Variants in ATP9B observed in about 807,000 individuals in gnomAD.
The protein encoded by ATP9B is ATPase phospholipid transporting 9B.
A neutral mutation model predicts 146.1 loss-of-function variants in ATP9B; 110 were observed. The ratio of observed to expected loss-of-function variants is 0.75; its 90% CI spans 0.65 to 0.88. The LOEUF is 0.88. Among genes scored for constraint, ATP9B ranks in the 40% least tolerant of loss-of-function variants. The pLI, the probability that ATP9B is intolerant of heterozygous loss-of-function variation, is 0.00. For synonymous variants in ATP9B, 604 were observed against 569.7 expected, an observed-to-expected ratio of 1.06 and a Z score of -0.86; for missense variants, 1,499 against 1,496.4, an observed-to-expected ratio of 1.00 and a Z score of -0.03.
chr18:79,078,841 G>T (rs1024134701), intron 1 of ATP9B, among the ~76,000 whole-genome samples: 1 of 152,036 alleles, frequency 6.6e-6, no homozygotes, highest in African/African-American at 2.4e-5. Flanking sequence ...GCCCCGGTGT[G>T]TGTTGTTCCC....
chr18:79,351,625 G>A (rs2096922858), intron 25 of ATP9B, among the ~76,000 whole-genome samples: 2 of 152,214 alleles, frequency 1.3e-5, no homozygotes. Flanking sequence ...GAGGACAGTT[G>A]ATAGAATTTA....
chr18:79,156,276 C>G (rs2094779977), intron 7 of ATP9B, among the ~76,000 whole-genome samples: 1 of 152,192 alleles, frequency 6.6e-6, no homozygotes, highest in Non-Finnish European at 1.5e-5. Context: ...CTCTTGGAAA[C>G]ACAGCTGGAC....
chr18:79,200,853 G>A (rs1042926939), intron 9 of ATP9B, among the ~76,000 whole-genome samples: 6 of 96,210 alleles, frequency 6.2e-5, no homozygotes, highest in East Asian at 3.2e-4. Flanking sequence ...ATGCTCAGTT[G>A]CCATTGAGGT....
chr18:79,103,209 G>T (rs1032397571), intron 2 of ATP9B, among the ~76,000 whole-genome samples: 4 of 151,742 alleles, frequency 2.6e-5, no homozygotes, highest in African/African-American at 9.7e-5. Flanking sequence ...GCATTAAGCA[G>T]ATATGGACTG....
At chr18:79,274,401 G>A (rs2096285129) in intron 12 of ATP9B, among the ~76,000 whole-genome samples, 1 of 152,102 alleles carries the variant, frequency 6.6e-6, no homozygotes, top group African/African-American at 2.4e-5. Flanking sequence ...CATATAAGCT[G>A]TCTACTCTGT....
chr18:79,218,726 T>C (rs1255502019), intron 11 of ATP9B, among the ~76,000 whole-genome samples: 1 of 152,208 alleles, frequency 6.6e-6, no homozygotes, highest in African/African-American at 2.4e-5. Flanking sequence ...CCATGACCAC[T>C]GGGATAAGAA....
At position 79,113,354 on chromosome 18, in the gene ATP9B, G is replaced by GATGACAT; in HGVS notation, c.558_558+1insATGACAT (p.Gly187MetfsTer16). The stretch of plus-strand genomic sequence containing the variant: ...ATCTCTACACCTACTGGGCTCCTCT[G>GATGACAT]GTAAGAAAAGACTTTAAAAATTAAG... On this transcript the variant is annotated frameshift_variant and splice_region_variant. Coordinates refer to ENST00000426216, the MANE Select transcript of ATP9B (RefSeq NM_198531.5). LOFTEE classifies it high-confidence loss of function. 1 of 1,478,290 alleles carries GATGACAT rather than the reference G, an allele frequency of 6.8e-7. No homozygotes were observed. Among genetic ancestry groups the GATGACAT allele is most frequent in the African/African-American group, 1.4e-5 (1 of 71,016 alleles). 91.6% of individuals were successfully genotyped at this position (1,478,290 alleles called of 1,614,324 possible).
intron 12 of ATP9B, among the ~76,000 whole-genome samples, chr18:79,264,512 T>C (rs575321125): frequency 3.3e-5 from 5 of 151,498 alleles, no homozygotes; most frequent in South Asian, 2.1e-4. Context: ...AAAACAGTTA[T>C]TGATTTTACA....
chr18:79,238,148 T>A (rs140637321), intron 11 of ATP9B, among the ~76,000 whole-genome samples: 7 of 152,264 alleles, frequency 4.6e-5, no homozygotes, highest in Non-Finnish European at 1.0e-4. Flanking sequence ...AATAAAAATG[T>A]TGAGTTCATA....
intron 2 of ATP9B, among the ~76,000 whole-genome samples, chr18:79,107,105 C>A (rs1260054427): frequency 6.6e-6 from 1 of 152,142 alleles, no homozygotes; most frequent in Non-Finnish European, 1.5e-5. Context: ...ATATCTGAGT[C>A]CGTTCCTGAA....
chr18:79,186,095 A>G (rs1351519344), intron 8 of ATP9B, among the ~76,000 whole-genome samples: 3 of 152,222 alleles, frequency 2.0e-5, no homozygotes, highest in Non-Finnish European at 4.4e-5. Flanking sequence ...TTTGTGATCA[A>G]ACAAATTTAT....
chr18:79,162,245 G>A (rs1037888555), intron 7 of ATP9B, among the ~76,000 whole-genome samples: 3 of 152,164 alleles, frequency 2.0e-5, no homozygotes, highest in Non-Finnish European at 4.4e-5. Context: ...CAGCATGGTG[G>A]GTTGCTCATG....
chr18:79,311,973 G>A (rs964350112), intron 15 of ATP9B, among the ~76,000 whole-genome samples: 13 of 152,280 alleles, frequency 8.5e-5, no homozygotes, highest in South Asian at 6.2e-4. Context: ...GCCTTCCCTC[G>A]TGGCAGGCTT....
chr18:79,235,332 G>GT (rs1192101649), intron 11 of ATP9B, among the ~76,000 whole-genome samples: 1 of 152,006 alleles, frequency 6.6e-6, no homozygotes, highest in African/African-American at 2.4e-5. Flanking sequence ...ACTTTCTATC[G>GT]TAAGCCATAG....
chr18:79,375,751 C>A, intron 29 of ATP9B: 1 of 985,402 alleles, frequency 1.0e-6, no homozygotes, highest in Non-Finnish European at 1.2e-6. Context: ...CTTCCAGGGT[C>A]TTCAGAAAAT....
chr18:79,219,884 C>G (rs989374992), intron 11 of ATP9B, among the ~76,000 whole-genome samples: 2 of 152,160 alleles, frequency 1.3e-5, no homozygotes, highest in Admixed American at 6.5e-5. Context: ...TGAGACAGTT[C>G]TTGAAGGGCT....
chr18:79,268,094 G>T (rs4799023), intron 12 of ATP9B, among the ~76,000 whole-genome samples: 70,251 of 151,840 alleles, frequency 0.46, 16,419 homozygotes, highest in Middle Eastern at 0.55. Flanking sequence ...CATTATAAAG[G>T]GACTTTCTTT....
intron 15 of ATP9B, among the ~76,000 whole-genome samples, chr18:79,327,545 T>G (rs1400567063): frequency 3.7e-5 from 5 of 135,186 alleles, no homozygotes; most frequent in Non-Finnish European, 6.5e-5. Flanking sequence ...TAGCGTGCTC[T>G]CCGTGGTTAG....
intron 4 of ATP9B, among the ~76,000 whole-genome samples, chr18:79,124,186 C>G (rs1057030900): frequency 2.0e-5 from 3 of 152,100 alleles, no homozygotes; most frequent in Non-Finnish European, 4.4e-5. Flanking sequence ...GAGTCATTGC[C>G]AGGGCCTAGG....
Sources: allele counts gnomAD v4.1 joint callset (sites outside exome capture counted in the v4.1 genomes callset), GRCh38; gene constraint gnomAD v4.1.1; transcripts MANE v1.5; gene names NCBI Gene and HGNC (gene_info 2026-07-23, HGNC 2026-07-21).